Variants in PTTG1IP observed in about 807,000 individuals in gnomAD.
The protein encoded by PTTG1IP is PTTG1 interacting protein.
A neutral mutation model predicts 24.4 loss-of-function variants in PTTG1IP; 16 were observed. The observed-to-expected ratio is 0.66, with a 90% CI of 0.44 to 1.00. The LOEUF (loss-of-function observed/expected upper bound fraction) is 1.00. PTTG1IP is among the 50% of genes least tolerant of loss of function. PTTG1IP has a pLI of 0.00. For synonymous variants in PTTG1IP, 89 were observed against 96.8 expected (o/e 0.92, Z 0.47); for missense variants, 241 against 245.8 (o/e 0.98, Z 0.13).
intron 1 of PTTG1IP, among the ~76,000 whole-genome samples, chr21:44,866,635 A>AAC (rs149247797): frequency 0.17 from 18,722 of 109,738 alleles, 3,210 homozygotes; most frequent in African/African-American, 0.44. Flanking sequence ...CCAATCCCGT[A>AAC]ACACACACAC....
chr21:44,867,225 GC>G lies in PTTG1IP; in HGVS notation c.116-1779del, dbSNP rs2146470477. On this transcript the variant is annotated intron_variant, in intron 1 of 5. Coordinates refer to ENST00000330938, the MANE Select transcript of PTTG1IP (RefSeq NM_004339.4). ...TTACGTGTCTCTCCTTTGGAGGTGA[GC>G]TAGGCGGCTGTGCAATCACTAACAC... Among the ~76,000 whole-genome samples the G allele has an allele frequency of 2.0e-5, 3 of 152,354 alleles. No individual in the cohort carries two copies. In the South Asian group the frequency reaches 6.2e-4, roughly 32 times the overall value.
intron 3 of PTTG1IP, among the ~76,000 whole-genome samples, chr21:44,857,179 T>C (rs1381530847): frequency 3.9e-5 from 6 of 152,210 alleles, no homozygotes; most frequent in Non-Finnish European, 8.8e-5. Flanking sequence ...AATCATGTAG[T>C]TCAAACAGCC....
chr21:44,873,316 G>T (rs1038632644), intron 1 of PTTG1IP, among the ~76,000 whole-genome samples, 186 bp downstream of exon 1: 1 of 152,274 alleles, frequency 6.6e-6, no homozygotes, highest in South Asian at 2.1e-4. Context: ...CAGCCGCGAC[G>T]GCAGCTCCCG....
At chr21:44,867,621 CGCTCATGTCTGTGACTGAT>C (rs1369176893) in intron 1 of PTTG1IP, among the ~76,000 whole-genome samples, 2 of 152,364 alleles carry the variant, frequency 1.3e-5, no homozygotes, top group East Asian at 1.9e-4. Flanking sequence ...CAGGAGAGCA[CGCTCATGTCTGTGACTGAT>C]GCTCACGTCT....
At chr21:44,863,140 A>C (rs1483643184) in intron 2 of PTTG1IP, among the ~76,000 whole-genome samples, 1 of 144,528 alleles carries the variant, frequency 6.9e-6, no homozygotes, top group African/African-American at 2.7e-5. Flanking sequence ...ACAGCCCACC[A>C]CGGCCTCAGC....
chr21:44,856,413 AC>A (rs771074410), intron 3 of PTTG1IP, 49 bp from the exon 4 acceptor site: 2 of 1,562,538 alleles, frequency 1.3e-6, no homozygotes, highest in Non-Finnish European at 1.7e-6. Flanking sequence ...CACAGAACCC[AC>A]CCAGCACAGC....
At chr21:44,860,746 G>A (rs2083484805) in intron 3 of PTTG1IP, among the ~76,000 whole-genome samples, 1 of 152,130 alleles carries the variant, frequency 6.6e-6, no homozygotes, top group Admixed American at 6.5e-5. Flanking sequence ...CCTCTCCCTG[G>A]GAGTCACAGA....
At chr21:44,870,251 A>G (rs544029442) in intron 1 of PTTG1IP, among the ~76,000 whole-genome samples, 15 of 152,356 alleles carry the variant, frequency 9.8e-5, no homozygotes, top group African/African-American at 3.4e-4. Context: ...GCATAGTAAG[A>G]AAAGAAAGGC....
At chr21:44,865,313 C>T (rs1314181238) in intron 2 of PTTG1IP, 82 bp downstream of exon 2, 6 of 1,404,926 alleles carry the variant, frequency 4.3e-6, no homozygotes, top group South Asian at 2.3e-5. Context: ...CACATCCCAG[C>T]GAATCCCTGG....
intron 1 of PTTG1IP, among the ~76,000 whole-genome samples, chr21:44,866,209 A>AACACACAC (rs35473745): frequency 1.6e-5 from 2 of 124,384 alleles, no homozygotes; most frequent in African/African-American, 6.2e-5. Context: ...CCAATCCTGT[A>AACACACAC]ACACACACAC....
In PTTG1IP at chr21:44,865,118, G is replaced by A. The variant is rs559893159; in HGVS notation, c.168+277C>T. Among the ~76,000 whole-genome samples, 11 of 152,338 alleles carry A rather than the reference G, an allele frequency of 7.2e-5. No homozygotes were observed. The South Asian group carries it at 1.7e-3, about 23-fold the overall frequency. On this transcript the variant is annotated intron_variant, in intron 2 of 5. Transcript: ENST00000330938. ...AGCCAAATTTCTCGCTATGGGCCTC[G>A]TTAGGAAGACTGGCCACGCAGTGCT...
chr21:44,862,595 C>G (rs1288326681), intron 2 of PTTG1IP, among the ~76,000 whole-genome samples: 1 of 152,198 alleles, frequency 6.6e-6, no homozygotes, highest in African/African-American at 2.4e-5. Flanking sequence ...GTCCAGACTG[C>G]CTGTTACTCC....
In PTTG1IP at chr21:44,851,606, G is replaced by A. The variant is rs771614983; in HGVS notation, c.518C>T (p.Pro173Leu). The A allele has an allele frequency of 7.6e-6, 12 of 1,589,370 alleles. No individual in the cohort carries two copies. The Admixed American group carries it at 1.0e-4, about 13-fold the overall frequency. ...TTAGTTGTTTTCAAATCTAGCATAC[G>A]GGTTTTCTTCTTTAAACAGGCCTGA... ...KKYGLFKEEN[P>L]YARFENN Residue 173 changes from proline (P) to leucine (L), a missense_variant, in exon 6 of 6, where the codon CCG becomes CTG. Physicochemically the swap from Pro to Leu is moderately conservative, Grantham distance 98. Coordinates refer to ENST00000330938, the MANE Select transcript of PTTG1IP (RefSeq NM_004339.4).
At position 44,849,695 on chromosome 21, in the gene PTTG1IP, T is replaced by C. The variant is rs1168704808; in HGVS notation, c.*1886A>G. On this transcript the variant is annotated 3_prime_UTR_variant, in exon 6 of 6. Transcript: ENST00000330938. ...TACAGTTTTGTGGCTGCTCTTAGTG[T>C]ATTTCAGAAAAAAGCAGATGGACGA... 1 of 152,584 alleles carries C rather than the reference T, an allele frequency of 6.6e-6. No homozygotes were observed. Among genetic ancestry groups the C allele is most frequent in the African/African-American group, 2.4e-5 (1 of 41,442 alleles). 9.5% of individuals were successfully genotyped at this position (152,584 alleles called of 1,614,324 possible). A position where few individuals can be genotyped will look rare whatever the true frequency, so the allele number is the denominator to read the frequency against.
At chr21:44,857,836 TC>T (rs1199697416) in intron 3 of PTTG1IP, among the ~76,000 whole-genome samples, 1 of 152,226 alleles carries the variant, frequency 6.6e-6, no homozygotes, top group Non-Finnish European at 1.5e-5. Context: ...CTGTGTTTTT[TC>T]CTCCTCTGAC....
chr21:44,856,954 T>A (rs1307944563), intron 3 of PTTG1IP, among the ~76,000 whole-genome samples: 1 of 152,152 alleles, frequency 6.6e-6, no homozygotes, highest in East Asian at 1.9e-4. Flanking sequence ...TTTGAGGACC[T>A]TGGGGCTGAA....
chr21:44,854,581 T>C (rs763149164), intron 5 of PTTG1IP, among the ~76,000 whole-genome samples: 5 of 152,246 alleles, frequency 3.3e-5, no homozygotes, highest in African/African-American at 1.2e-4. Flanking sequence ...TGGTGTTCAG[T>C]GTTAAGCAGT....
In PTTG1IP at chr21:44,861,187, A is replaced by G. The variant is rs1157993302; in HGVS notation, c.253T>C (p.Ser85Pro). Residue 85 changes from serine to proline, a missense_variant, in exon 3 of 6, where the codon TCT becomes CCT. Ser to Pro is a moderately conservative substitution (Grantham distance 74, BLOSUM62 -1). Coordinates refer to ENST00000330938, the MANE Select transcript of PTTG1IP (RefSeq NM_004339.4). ...LPPASLCKLS[S>P]ARWGVCWVNF... is the part of the protein sequence containing the mutation. ...CCCCAACAAACTCCCCAGCGTGCAG[A>G]GCTCAATTTACAAAGGGAAGCCGGT... is the stretch of plus-strand genomic sequence containing the variant. 6.2e-7 allele frequency: 1 copy of G among 1,613,812 alleles called. No homozygotes were observed. Among genetic ancestry groups the G allele is most frequent in the Non-Finnish European group, 8.5e-7 (1 of 1,179,820 alleles).
chr21:44,856,380 C>T lies in PTTG1IP; in HGVS notation c.278-16G>A. Reference sequence around the variant, plus strand: ...TCAAAGTTCACTGGAGATTCAAGCACCTGGAGTTAGGGCCGCCCCAGACAC... The same window carrying T: ...TCAAAGTTCACTGGAGATTCAAGCATCTGGAGTTAGGGCCGCCCCAGACAC... On this transcript the variant is annotated splice_polypyrimidine_tract_variant and intron_variant, in intron 3 of 5. Transcript: ENST00000330938. 1 of 1,602,072 alleles carries T rather than the reference C, an allele frequency of 6.2e-7. No individual in the cohort carries two copies.
Sources: gnomAD v4.1 joint callset for allele counts (sites outside exome capture counted in the v4.1 genomes callset) on GRCh38, gnomAD v4.1.1 for gene constraint, MANE v1.5 for transcripts, NCBI Gene and HGNC (gene_info 2026-07-23, HGNC 2026-07-21) for gene names.